The following CIRBP variants were observed in gnomAD, a reference collection of about 807,000 sequenced individuals.
The protein encoded by CIRBP is cold inducible RNA binding protein, also known as cold-inducible RNA-binding protein.
In CIRBP, 11 loss-of-function variants were observed where a neutral mutation model predicts 22.3. The ratio of observed to expected loss-of-function variants is 0.49; its 90% CI spans 0.31 to 0.82. CIRBP has a LOEUF of 0.82. Ranked by LOEUF, CIRBP falls within the 40% of genes least tolerant of loss-of-function variation. The pLI is 0.05. For synonymous variants in CIRBP, 216 were observed against 158.8 expected (o/e 1.36, Z -2.71); for missense variants, 456 against 402.7 (o/e 1.13, Z -1.13).
At chr19:1,270,706 G>A (rs1173618845) in intron 1 of CIRBP, among the ~76,000 whole-genome samples, 2 of 152,150 alleles carry the variant, frequency 1.3e-5, no homozygotes, top group African/African-American at 4.8e-5. Flanking sequence ...CCAGGAGGTG[G>A]AGGCTGCAGT....
chr19:1,272,263 C>T lies in CIRBP; in HGVS notation c.714C>T (p.Pro238=), dbSNP rs774988406. Residue 238 remains proline, a synonymous_variant, in exon 6 of 6, where the codon CCC becomes CCT. Coordinates refer to ENST00000587896, the MANE Select transcript of CIRBP (RefSeq NM_001300829.2). ...AAAAAGGCAAGGGAGAGCGAGGGCC[C>T]GCTGGGCAGTCAGCTAGGTGCATGT... is the stretch of plus-strand genomic sequence containing the variant. ...TDQKGKGERG[P]AGQSARCMCG... is the part of the protein sequence containing the mutation. 201 of 1,610,732 alleles carry T rather than the reference C, an allele frequency of 1.2e-4. No homozygotes were observed. The highest frequency in any genetic ancestry group is 1.5e-4 in the Non-Finnish European group (182 of 1,178,994).
Position 1,272,422 on chromosome 19 carries a change from C to T in CIRBP, c.873C>T (p.Ser291=), listed in dbSNP as rs760251559. ...SVPLHCACFL[S]SATHNE is the part of the protein sequence containing the mutation. ...CTTTACACTGTGCCTGCTTCTTGTC[C>T]TCAGCTACACACAACGAGTAAAAAC... Residue 291 remains serine, a synonymous_variant, in exon 6 of 6, where the codon TCC becomes TCT. Transcript: ENST00000587896. 3.2e-6 allele frequency: 5 copies of T among 1,555,408 alleles called. No individual in the cohort carries two copies. The highest frequency in any genetic ancestry group is 2.4e-5 in the South Asian group (2 of 82,626).
intron 1 of CIRBP, 86 bp downstream of exon 1, chr19:1,269,496 C>A (rs1421958374): frequency 6.7e-6 from 1 of 150,082 alleles, no homozygotes; most frequent in African/African-American, 2.5e-5. Flanking sequence ...CGCAGCGGCA[C>A]GCCCCTGGGA....
rs751383283 is a variant in CIRBP, at chr19:1,271,409, T to A, written c.291T>A (p.Ser97=). The A allele has an allele frequency of 6.2e-7, 1 of 1,613,686 alleles. No homozygotes were observed. Among genetic ancestry groups the A allele is most frequent in the Admixed American group, 1.7e-5 (1 of 60,014 alleles). ...GATCCCGTGGGTACCGTGGTGGCTCTGCCGGGGGCCGGGGCTTCTTCCGTG... is the reference window on the plus strand; with the variant it reads ...GATCCCGTGGGTACCGTGGTGGCTCAGCCGGGGGCCGGGGCTTCTTCCGTG... ...DNRSRGYRGG[S]AGGRGFFRGG... The change falls in exon 4 of 6, where the codon TCT becomes TCA. Residue 97 remains serine, a synonymous_variant. Coordinates refer to ENST00000587896, the MANE Select transcript of CIRBP (RefSeq NM_001300829.2).
Position 1,272,434 on chromosome 19 carries a change from C to T in CIRBP, c.885C>T (p.His295=), listed in dbSNP as rs781746564. 1 of 1,542,360 alleles carries T rather than the reference C, an allele frequency of 6.5e-7. No individual in the cohort carries two copies. Among genetic ancestry groups the T allele is most frequent in the East Asian group, 2.3e-5 (1 of 44,210 alleles). ...CCTGCTTCTTGTCCTCAGCTACACA[C>T]AACGAGTAAAAACCCTTCCTGCTCA... ...HCACFLSSAT[H]NE Residue 295 remains histidine, a synonymous_variant, in exon 6 of 6, where the codon CAC becomes CAT. Coordinates refer to ENST00000587896, the MANE Select transcript of CIRBP (RefSeq NM_001300829.2).
At chr19:1,274,855 C>G (rs2081396490), downstream of CIRBP, 1 of 152,684 alleles carries the variant, frequency 6.5e-6, no homozygotes, top group Non-Finnish European at 1.5e-5. Flanking sequence ...AGCGGGGCCA[C>G]TGGAAGAAAA....
chr19:1,270,847 A>G (rs551992455), intron 1 of CIRBP, 81 bp from the exon 2 acceptor site: 2 of 884,232 alleles, frequency 2.3e-6, no homozygotes, highest in Non-Finnish European at 1.9e-6. Context: ...TAAAAAACAC[A>G]TGTCATTTAC....
Position 1,274,077 on chromosome 19 carries a change from C to T in CIRBP, c.*1634C>T. 4 of 380,404 alleles carry T rather than the reference C, an allele frequency of 1.1e-5. No individual in the cohort carries two copies. Among genetic ancestry groups the T allele is most frequent in the Middle Eastern group, 6.6e-4 (1 of 1,504 alleles). The allele number at this position is 380,404 out of a possible 1,614,324, so 23.6% of individuals were successfully genotyped here. A position where few individuals can be genotyped will look rare whatever the true frequency, so the allele number is the denominator to read the frequency against. On this transcript the variant is annotated 3_prime_UTR_variant, in exon 6 of 6. Coordinates refer to ENST00000587896, the MANE Select transcript of CIRBP (RefSeq NM_001300829.2). ...GTCTGTTGCCGCCATTAGTTTTTTT[C>T]TAGAGCCCACACTGGCCCACATAGC...
In CIRBP at chr19:1,272,215, G is replaced by A. The variant is rs774800808; in HGVS notation, c.666G>A (p.Thr222=). ...CTCAGAGCCATTTCTATCGCAGGAC[G>A]CAAAAGCCAAATGAGACTGACCAAA... ...LSSQSHFYRR[T]QKPNETDQKG... is the part of the protein sequence containing the mutation. Residue 222 remains threonine (T), a synonymous_variant, in exon 6 of 6, where the codon ACG becomes ACA. Coordinates refer to ENST00000587896, the MANE Select transcript of CIRBP (RefSeq NM_001300829.2). 4 of 1,593,732 alleles carry A rather than the reference G, an allele frequency of 2.5e-6. No homozygotes were observed. The highest frequency in any genetic ancestry group is 1.8e-5 in the Admixed American group (1 of 56,054).
chr19:1,271,578 A>T lies in CIRBP; in HGVS notation c.377A>T (p.Asn126Ile), dbSNP rs769066018. Residue 126 changes from asparagine to isoleucine, a missense_variant, in exon 5 of 6, where the codon AAC (asparagine) becomes ATC (isoleucine). Transcript: ENST00000587896. Reference sequence around the variant, plus strand: ...GGAGGGGACCGAGGCTATGGGGGGAACCGGTTCGAGTCCAGGAGTGGGGGC... The same window carrying T: ...GGAGGGGACCGAGGCTATGGGGGGATCCGGTTCGAGTCCAGGAGTGGGGGC... ...RGGGDRGYGG[N>I]RFESRSGGYG... 27 of 1,556,384 alleles carry T rather than the reference A, an allele frequency of 1.7e-5. No individual in the cohort carries two copies. The highest frequency in any genetic ancestry group is 2.2e-5 in the Non-Finnish European group (25 of 1,152,002).
intron 1 of CIRBP, 51 bp from the exon 2 acceptor site, chr19:1,270,877 G>A (rs2081328038): frequency 9.3e-7 from 1 of 1,079,976 alleles, no homozygotes; most frequent in Admixed American, 1.7e-5. Flanking sequence ...GAAGCGGGGA[G>A]AGGTGGTGAG....
chr19:1,270,161 A>G (rs749837127), intron 1 of CIRBP: 1 of 508,862 alleles, frequency 2.0e-6, no homozygotes, highest in Non-Finnish European at 4.0e-6. Context: ...TTCCCGGCCT[A>G]GGTCCTGGCT....
At position 1,273,726 on chromosome 19, in the gene CIRBP, C is replaced by G. The variant is rs1307090303; in HGVS notation, c.*1283C>G. On this transcript the variant is annotated 3_prime_UTR_variant, in exon 6 of 6. Transcript: ENST00000587896. The stretch of plus-strand genomic sequence containing the variant: ...GCCCTGTAATTCGAGGTAACTCCTT[C>G]CGCTCGTGTCCACATCCCTCTTGTT... The G allele has an allele frequency of 6.6e-6, 1 of 152,248 alleles. No individual in the cohort carries two copies. Among genetic ancestry groups the G allele is most frequent in the African/African-American group, 2.4e-5 (1 of 41,462 alleles). The allele number at this position is 152,248 out of a possible 1,614,324, so 9.4% of individuals were successfully genotyped here. A position where few individuals can be genotyped will look rare whatever the true frequency, so the allele number is the denominator to read the frequency against.
chr19:1,272,487 T>TA lies in CIRBP; in HGVS notation c.*47dup, dbSNP rs2081359959. The TA allele has an allele frequency of 6.8e-7, 1 of 1,460,214 alleles. No individual in the cohort carries two copies. The highest frequency in any genetic ancestry group is 1.4e-5 in the African/African-American group (1 of 70,420). 90.5% of individuals were successfully genotyped at this position (1,460,214 alleles called of 1,614,324 possible). A position where few individuals can be genotyped will look rare whatever the true frequency, so the allele number is the denominator to read the frequency against. ...ATCGTCCTTCCAATGGCTGTGTGTT[T>TA]AAAGATTGTGGGAGCTTCGCTGAAC... On this transcript the variant is annotated 3_prime_UTR_variant, in exon 6 of 6. Transcript: ENST00000587896.
intron 5 of CIRBP, 142 bp downstream of exon 5, chr19:1,271,774 G>C (rs1338171883): frequency 2.8e-6 from 2 of 707,188 alleles, no homozygotes; most frequent in African/African-American, 3.6e-5. Flanking sequence ...AAGAGGAGAG[G>C]AGACTGCTCA....
At position 1,271,969 on chromosome 19, in the gene CIRBP, T is replaced by C. The variant is rs780762874; in HGVS notation, c.432-12T>C. The C allele has an allele frequency of 6.2e-7, 1 of 1,601,562 alleles. No individual in the cohort carries two copies. Among genetic ancestry groups the C allele is most frequent in the Admixed American group, 1.7e-5 (1 of 59,722 alleles). ...GGTACCTTCCGGTACTCAACGTTTG[T>C]CTGTCTTGCAGCCGGAGTCAGAGTG... On this transcript the variant is annotated splice_polypyrimidine_tract_variant and intron_variant, in intron 5 of 5. Transcript: ENST00000587896.
rs2081359464 is a variant in CIRBP, at chr19:1,272,464, C to T, written c.*21C>T. 2 of 1,510,904 alleles carry T rather than the reference C, an allele frequency of 1.3e-6. No individual in the cohort carries two copies. The highest frequency in any genetic ancestry group is 1.8e-6 in the Non-Finnish European group (2 of 1,125,440). The allele number at this position is 1,510,904 out of a possible 1,614,324, so 93.6% of individuals were successfully genotyped here. On this transcript the variant is annotated 3_prime_UTR_variant, in exon 6 of 6. Transcript: ENST00000587896. ...AGTAAAAACCCTTCCTGCTCAAGAT[C>T]GTCCTTCCAATGGCTGTGTGTTTAA...
chr19:1,271,916 G>C (rs1469673242), intron 5 of CIRBP, 65 bp from the exon 6 acceptor site: 3 of 1,441,912 alleles, frequency 2.1e-6, no homozygotes, highest in Admixed American at 1.8e-5. Flanking sequence ...TGGCGGCTCA[G>C]CCTGTTGTGG....
chr19:1,269,938 C>T, intron 1 of CIRBP: 4 of 519,972 alleles, frequency 7.7e-6, no homozygotes, highest in Middle Eastern at 3.2e-4. Context: ...CCACGTCGTG[C>T]TTTGCGCCCA....
Sources: gnomAD v4.1 joint callset for allele counts (sites outside exome capture counted in the v4.1 genomes callset) on GRCh38, gnomAD v4.1.1 for gene constraint, MANE v1.5 for transcripts, NCBI Gene and HGNC (gene_info 2026-07-23, HGNC 2026-07-21) for gene names.